Variants in BDH1 observed in about 807,000 individuals in gnomAD.
BDH1 encodes D-beta-hydroxybutyrate dehydrogenase, mitochondrial.
Under a neutral mutation model 33.1 loss-of-function variants are expected in BDH1, and 30 were observed. That is an observed-to-expected ratio of 0.91 (90% CI 0.68 to 1.23). The LOEUF (loss-of-function observed/expected upper bound fraction) is 1.23, where lower values mean the gene tolerates loss of function less well. BDH1 is among the 50% of genes most tolerant of loss of function. The pLI is 0.00. For synonymous variants in BDH1, 190 were observed against 183.6 expected (o/e 1.03, Z -0.28); for missense variants, 443 against 464.4 (o/e 0.95, Z 0.42).
rs987710539 is a variant in BDH1 at position 197,523,871 on chromosome 3, T to C, written c.268-1090A>G. Among the ~76,000 whole-genome samples the C allele has an allele frequency of 2.6e-5, 4 of 151,922 alleles. No individual in the cohort carries two copies. The highest frequency in any genetic ancestry group is 4.4e-5 in the Non-Finnish European group (3 of 67,964). Reference sequence around the variant, plus strand: ...GATAAGAGGACGCCACCAGAAGCCATTGGTTGCAGGCAGTGCAGACGCATA... The same window carrying C: ...GATAAGAGGACGCCACCAGAAGCCACTGGTTGCAGGCAGTGCAGACGCATA... On this transcript the variant is annotated intron_variant, in intron 5 of 7. Coordinates refer to ENST00000392379, the MANE Select transcript of BDH1 (RefSeq NM_203314.3). This position sits in a 1 kb window ranked among gnomAD's most constrained non-coding sequence, Gnocchi z 4.5.
At chr3:197,524,394 C>A (rs1271254861) in intron 5 of BDH1, among the ~76,000 whole-genome samples, 1 of 152,214 alleles carries the variant, frequency 6.6e-6, no homozygotes, top group East Asian at 1.9e-4. Context: ...AAGTCCTCCG[C>A]TGGTTAGGCT....
intron 7 of BDH1, 40 bp from the exon 8 acceptor site, chr3:197,512,404 C>T (rs766675169): frequency 1.3e-6 from 2 of 1,556,674 alleles, no homozygotes; most frequent in Non-Finnish European, 1.7e-6. Context: ...GCCGTTACTG[C>T]CCTATGACAC....
At chr3:197,538,376 A>G in intron 3 of BDH1, 1 of 454,502 alleles carries the variant, frequency 2.2e-6, no homozygotes, top group Non-Finnish European at 4.4e-6. Flanking sequence ...TTTGAGACAG[A>G]GTTTCACTCT....
chr3:197,570,232 G>C lies in BDH1; in HGVS notation c.-44+2949C>G, dbSNP rs556820226. On this transcript the variant is annotated intron_variant, in intron 1 of 6. Transcript: ENST00000358186. ...ATTTCTAAGTAGCAAAGCATTCAAA[G>C]TGTGACTTGGGTGCTGTTAAAAGCA... is the stretch of plus-strand genomic sequence containing the variant. 2.0e-5 allele frequency among the ~76,000 whole-genome samples: 3 copies of C among 152,346 alleles called. No homozygotes were observed. The South Asian group carries it at 6.2e-4, about 32-fold the overall frequency.
In BDH1 at chr3:197,533,487, A is replaced by G. The variant is rs142838355; in HGVS notation, c.156+2T>C. On this transcript the variant is annotated splice_donor_variant, in intron 4 of 7. Transcript: ENST00000392379. LOFTEE classifies it high-confidence loss of function. ...CTCCCGGGTAGCTGGGCTTCCACTC[A>G]CCGGCTCCGCCGCACTGGCATAAGT... The G allele has an allele frequency of 2.6e-5, 42 of 1,614,094 alleles. 1 individual carries two copies. The African/African-American group carries it at 5.2e-4, about 20-fold the overall frequency.
Position 197,525,880 on chromosome 3 carries a change from G to A in BDH1, c.268-3099C>T, listed in dbSNP as rs1714048396. Among the ~76,000 whole-genome samples the A allele has an allele frequency of 6.6e-6, 1 of 151,976 alleles. No individual in the cohort carries two copies. Among genetic ancestry groups the A allele is most frequent in the Non-Finnish European group, 1.5e-5 (1 of 67,962 alleles). Reference sequence around the variant, plus strand: ...TGCAGGTCTCCGTGCTCCCTCTGCAGGTCTGTGTGCTCCCTCTGCTGGTCT... The same window carrying A: ...TGCAGGTCTCCGTGCTCCCTCTGCAAGTCTGTGTGCTCCCTCTGCTGGTCT... On this transcript the variant is annotated intron_variant, in intron 5 of 7. Transcript: ENST00000392379. This position sits in a 1 kb window ranked among gnomAD's most constrained non-coding sequence, Gnocchi z 4.9.
Position 197,555,821 on chromosome 3 carries a change from G to C in BDH1, c.-236C>G, listed in dbSNP as rs1405299253. ...CAGGGGGCTCCGCTGCAGAGGGCTC[G>C]CCGAGGCTCTCGCCTTCACCCGGCG... On this transcript the variant is annotated 5_prime_UTR_variant, in exon 1 of 8. Transcript: ENST00000392379. The C allele has an allele frequency of 1.3e-5, 2 of 152,288 alleles. No homozygotes were observed. Among genetic ancestry groups the C allele is most frequent in the Non-Finnish European group, 2.9e-5 (2 of 68,088 alleles). The allele number at this position is 152,288 out of a possible 1,614,324, so 9.4% of individuals were successfully genotyped here.
rs1455198354 is a variant in BDH1, at chr3:197,514,961, G to A, written c.410-545C>T. Among the ~76,000 whole-genome samples the A allele has an allele frequency of 6.6e-6, 1 of 152,168 alleles. No individual in the cohort carries two copies. The highest frequency in any genetic ancestry group is 2.4e-5 in the African/African-American group (1 of 41,426). ...AAGGCTGGATGGGTCAGAGCCTCAG[G>A]ACAGAGCTGGGCCCTGCCTCTTTGT... On this transcript the variant is annotated intron_variant, in intron 6 of 7. Coordinates refer to ENST00000392379, the MANE Select transcript of BDH1 (RefSeq NM_203314.3). The surrounding 1 kb of genome is among the most constrained non-coding windows in gnomAD (Gnocchi z 4.2).
intron 1 of BDH1, among the ~76,000 whole-genome samples, chr3:197,561,841 A>T (rs1025703061): frequency 1.3e-5 from 2 of 150,358 alleles, no homozygotes; most frequent in Admixed American, 6.6e-5. Flanking sequence ...TTCCTGTCTT[A>T]AAAAAAAAAT....
At chr3:197,546,233 G>T in intron 3 of BDH1, 128 bp downstream of exon 3, 1 of 882,684 alleles carries the variant, frequency 1.1e-6, no homozygotes, top group Non-Finnish European at 1.8e-6. Context: ...TCCTCTGCTG[G>T]GAGACAAAGG....
Position 197,522,986 on chromosome 3 carries a change from A to C in BDH1, c.268-205T>G, listed in dbSNP as rs1713718908. The C allele has an allele frequency of 1.7e-6, 1 of 573,152 alleles. No homozygotes were observed. The highest frequency in any genetic ancestry group is 3.0e-6 in the Non-Finnish European group (1 of 328,676). The allele number at this position is 573,152 out of a possible 1,614,324, so 35.5% of individuals were successfully genotyped here. On this transcript the variant is annotated intron_variant, in intron 5 of 7. Transcript: ENST00000392379. This position sits in a 1 kb window ranked among gnomAD's most constrained non-coding sequence, Gnocchi z 4.8. ...CCTATCAAGCATCAAGCTATGTGCC[A>C]CAGACACAACCATGAATAGGATGAA...
chr3:197,540,273 C>T (rs1039695964), intron 3 of BDH1, among the ~76,000 whole-genome samples: 4 of 148,766 alleles, frequency 2.7e-5, no homozygotes, highest in East Asian at 2.1e-4. Flanking sequence ...AGGCTGGTCT[C>T]GAACTCCTGG....
intron 2 of BDH1, among the ~76,000 whole-genome samples, chr3:197,549,413 C>T (rs79246831): frequency 0.098 from 14,981 of 152,268 alleles, 888 homozygotes; most frequent in African/African-American, 0.16. Context: ...TCCATTCCAA[C>T]ATGACCATCT....
rs776341743 is a variant in BDH1 at position 197,523,845 on chromosome 3, A to G, written c.268-1064T>C. On this transcript the variant is annotated intron_variant, in intron 5 of 7. Coordinates refer to ENST00000392379, the MANE Select transcript of BDH1 (RefSeq NM_203314.3). The surrounding 1 kb of genome is among the most constrained non-coding windows in gnomAD (Gnocchi z 4.5). ...GATGGGGACGGGGCACTGTGGGAAG[A>G]GATAAGAGGACGCCACCAGAAGCCA... Among the ~76,000 whole-genome samples the G allele has an allele frequency of 6.6e-6, 1 of 152,198 alleles. No individual in the cohort carries two copies. Among genetic ancestry groups the G allele is most frequent in the Non-Finnish European group, 1.5e-5 (1 of 68,036 alleles).
intron 6 of BDH1, chr3:197,515,686 G>A: frequency 1.0e-6 from 1 of 985,264 alleles, no homozygotes; most frequent in Non-Finnish European, 1.2e-6. Context: ...AGATCCTTCT[G>A]TAACTGTGCT....
rs907014598 is a variant in BDH1 at position 197,554,632 on chromosome 3, T to A, written c.-114A>T. 1 of 152,040 alleles carries A rather than the reference T, an allele frequency of 6.6e-6. No individual in the cohort carries two copies. Among genetic ancestry groups the A allele is most frequent in the African/African-American group, 2.4e-5 (1 of 41,378 alleles). 9.4% of individuals were successfully genotyped at this position (152,040 alleles called of 1,614,324 possible). On this transcript the variant is annotated 5_prime_UTR_variant, in exon 2 of 8. Transcript: ENST00000392379. This position sits in a 1 kb window ranked among gnomAD's most constrained non-coding sequence, Gnocchi z 4.4. The stretch of plus-strand genomic sequence containing the variant: ...GCAGGCGGCCCTCCATAGTGAAATA[T>A]GTGCTTCTGCAACCCCTCAAAGTAG...
chr3:197,566,190 A>ATC (rs1244064912), intron 1 of BDH1, among the ~76,000 whole-genome samples: 1 of 152,232 alleles, frequency 6.6e-6, no homozygotes, highest in Non-Finnish European at 1.5e-5. Flanking sequence ...TGCAATAAGA[A>ATC]TCTGTTTTCA....
intron 2 of BDH1, among the ~76,000 whole-genome samples, chr3:197,546,805 G>A (rs899876579): frequency 1.3e-5 from 2 of 152,122 alleles, no homozygotes; most frequent in Non-Finnish European, 2.9e-5. Flanking sequence ...CCTCAAACCC[G>A]CCAACCACTG....
At chr3:197,513,006 C>G (rs1712241974) in intron 7 of BDH1, among the ~76,000 whole-genome samples, 1 of 152,140 alleles carries the variant, frequency 6.6e-6, no homozygotes, top group South Asian at 2.1e-4. Context: ...CCATTCCACC[C>G]TGGTAGGGTG....
Sources: allele counts gnomAD v4.1 joint callset (sites outside exome capture counted in the v4.1 genomes callset), GRCh38; gene constraint gnomAD v4.1.1; non-coding constraint Gnocchi (gnomAD v3.1); transcripts MANE v1.5; gene names NCBI Gene and HGNC (gene_info 2026-07-23, HGNC 2026-07-21).